The following RBM27 variants were observed in gnomAD, a reference collection of about 807,000 sequenced individuals.
The protein encoded by RBM27 is RNA-binding protein 27.
A neutral mutation model predicts 135.3 loss-of-function variants in RBM27; 22 were observed. The observed-to-expected ratio is 0.16, with a 90% confidence interval of 0.12 to 0.23. The LOEUF (loss-of-function observed/expected upper bound fraction) is 0.23, where lower values mean the gene tolerates loss of function less well. Ranked by LOEUF, RBM27 falls within the 10% of genes least tolerant of loss-of-function variation. The pLI is 1.00. For synonymous variants in RBM27, 481 were observed against 442.4 expected (o/e 1.09, Z -1.10); for missense variants, 1,009 against 1,281.0 (o/e 0.79, Z 3.24).
Position 146,230,884 on chromosome 5 carries a change from C to T in RBM27, c.817C>T (p.Leu273=). The part of the protein sequence containing the change: ...HSSSNSFGRN[L]PPKRRCRDYD... ...CTCTTCCAATTCTTTTGGTCGAAACCTACCACCAAAGAGGCGATGCAGAGA... is the reference window on the plus strand; with the variant it reads ...CTCTTCCAATTCTTTTGGTCGAAACTTACCACCAAAGAGGCGATGCAGAGA... Residue 273 remains leucine (L), a synonymous_variant, in exon 6 of 21, where the codon CTA becomes TTA. Transcript: ENST00000265271. 2 of 1,614,186 alleles carry T rather than the reference C, an allele frequency of 1.2e-6. No individual in the cohort carries two copies. Among genetic ancestry groups the T allele is most frequent in the Non-Finnish European group, 1.7e-6 (2 of 1,180,040 alleles).
In RBM27 at chr5:146,209,266, C is replaced by T. The variant is rs1246790355; in HGVS notation, c.59+5442C>T. Among the ~76,000 whole-genome samples, 5 of 152,082 alleles carry T rather than the reference C, an allele frequency of 3.3e-5. No homozygotes were observed. In the East Asian group the frequency reaches 9.6e-4, roughly 29 times the overall value. On this transcript the variant is annotated intron_variant, in intron 1 of 20. Coordinates refer to ENST00000265271, the MANE Select transcript of RBM27 (RefSeq NM_018989.2). ...GTATTTTGCTTATTAATGTTAAACACCACTGCCACTTAAAAAATAATAATC... is the reference window on the plus strand; with the variant it reads ...GTATTTTGCTTATTAATGTTAAACATCACTGCCACTTAAAAAATAATAATC...
At chr5:146,274,323 C>G (rs6883067) in intron 19 of RBM27, among the ~76,000 whole-genome samples, 34 of 151,580 alleles carry the variant, frequency 2.2e-4, no homozygotes, top group African/African-American at 8.0e-4. Flanking sequence ...GTGGCATGAT[C>G]TTAGCTCACT....
chr5:146,267,588 C>G, intron 14 of RBM27, 61 bp from the exon 15 acceptor site: 2 of 1,103,934 alleles, frequency 1.8e-6, no homozygotes, highest in Non-Finnish European at 2.6e-6. Context: ...AAAAAGTATT[C>G]TAAGCATTTC....
chr5:146,246,287 A>G (rs1392778542), intron 8 of RBM27, among the ~76,000 whole-genome samples: 1 of 152,180 alleles, frequency 6.6e-6, no homozygotes, highest in African/African-American at 2.4e-5. Flanking sequence ...AATTATACAG[A>G]GTTGCTAAAA....
intron 12 of RBM27, 146 bp downstream of exon 12, chr5:146,261,044 C>T (rs1182389651): frequency 7.9e-6 from 6 of 758,742 alleles, no homozygotes; most frequent in Non-Finnish European, 1.3e-5. Context: ...TCTATATACC[C>T]ACTTTTATGA....
intron 8 of RBM27, among the ~76,000 whole-genome samples, chr5:146,243,831 A>C (rs556873529): frequency 6.6e-6 from 1 of 152,312 alleles, no homozygotes; most frequent in South Asian, 2.1e-4. Flanking sequence ...AGATGATGTC[A>C]ATAAGGACCC....
At position 146,215,627 on chromosome 5, in the gene RBM27, C is replaced by G. The variant is rs541596986; in HGVS notation, c.60-3358C>G. 3.9e-5 allele frequency among the ~76,000 whole-genome samples: 6 copies of G among 152,246 alleles called. No homozygotes were observed. The East Asian group carries it at 1.2e-3, about 29-fold the overall frequency. Reference sequence around the variant, plus strand: ...TGTAATTTTTTTCCCCTTCTCTCCTCCATATGAATGTAGACTAGAACTACA... The same window carrying G: ...TGTAATTTTTTTCCCCTTCTCTCCTGCATATGAATGTAGACTAGAACTACA... On this transcript the variant is annotated intron_variant, in intron 1 of 20. Transcript: ENST00000265271.
In RBM27 at chr5:146,267,665, G is replaced by C. The variant is rs201819417; in HGVS notation, c.2348G>C (p.Gly783Ala). The C allele has an allele frequency of 6.4e-7, 1 of 1,574,360 alleles. No homozygotes were observed. The highest frequency in any genetic ancestry group is 1.1e-5 in the South Asian group (1 of 87,230). ...ATTTTTTAGATATTTTCAACTCCAG[G>C]CCATCCAAAAATGATTTACAGCTCC... ...GEDCQIFSTP[G>A]HPKMIYSSSN... Residue 783 changes from glycine (G) to alanine (A), a missense_variant, in exon 15 of 21, where the codon GGC (glycine) becomes GCC (alanine). By Grantham distance (60) the Gly-to-Ala change is moderately conservative (BLOSUM62 0). Transcript: ENST00000265271.
At chr5:146,268,487 C>CAAAG (rs1758718411) in intron 15 of RBM27, among the ~76,000 whole-genome samples, 1 of 152,168 alleles carries the variant, frequency 6.6e-6, no homozygotes, top group Non-Finnish European at 1.5e-5. Context: ...GGTGATCCAC[C>CAAAG]TGCCTCGGCT....
intron 19 of RBM27, among the ~76,000 whole-genome samples, chr5:146,279,957 T>C (rs575507971): frequency 2.0e-5 from 3 of 152,212 alleles, no homozygotes; most frequent in African/African-American, 7.2e-5. Context: ...CTTCTCACTT[T>C]AAAAACATTT....
intron 10 of RBM27, among the ~76,000 whole-genome samples, chr5:146,256,721 T>C (rs1429467410): frequency 3.3e-5 from 5 of 152,108 alleles, no homozygotes; most frequent in African/African-American, 1.2e-4. Flanking sequence ...CACTGAGGCT[T>C]AGAGAGGTTT....
intron 8 of RBM27, among the ~76,000 whole-genome samples, chr5:146,238,202 T>G (rs1757252180): frequency 6.6e-6 from 1 of 152,174 alleles, no homozygotes. Context: ...CATTCACATT[T>G]GATTGTAATA....
At chr5:146,226,165 G>A (rs1028202922) in intron 3 of RBM27, among the ~76,000 whole-genome samples, 2 of 151,932 alleles carry the variant, frequency 1.3e-5, no homozygotes, top group Non-Finnish European at 2.9e-5. Context: ...ACTGCGCCAG[G>A]GCTGGAAGAA....
intron 8 of RBM27, among the ~76,000 whole-genome samples, chr5:146,248,310 A>G (rs1757723837): frequency 6.6e-6 from 1 of 150,844 alleles, no homozygotes; most frequent in Admixed American, 6.6e-5. Context: ...AAGGTATACT[A>G]AGGTGTACCA....
intron 3 of RBM27, among the ~76,000 whole-genome samples, chr5:146,227,621 G>A (rs544223882): frequency 4.0e-4 from 61 of 152,078 alleles, no homozygotes; most frequent in Non-Finnish European, 7.2e-4. Flanking sequence ...TTCGGTTTGA[G>A]ATAAACTTGT....
chr5:146,261,480 G>C (rs777469925), intron 12 of RBM27, 30 bp from the exon 13 acceptor site: 1 of 1,568,840 alleles, frequency 6.4e-7, no homozygotes, highest in Non-Finnish European at 8.7e-7. Context: ...TTCTGTTTTT[G>C]GGAATTTATA....
At chr5:146,283,521 G>A (rs1759453299) in intron 19 of RBM27, among the ~76,000 whole-genome samples, 1 of 151,636 alleles carries the variant, frequency 6.6e-6, no homozygotes, top group Non-Finnish European at 1.5e-5. Flanking sequence ...CTGGGAATCA[G>A]AGCAAGACCC....
At chr5:146,243,922 C>T (rs529820372) in intron 8 of RBM27, among the ~76,000 whole-genome samples, 2 of 151,944 alleles carry the variant, frequency 1.3e-5, no homozygotes, top group African/African-American at 4.8e-5. Flanking sequence ...TAGGAATATA[C>T]AGATGAATAA....
In RBM27 at chr5:146,207,963, T is replaced by TG. The variant is rs1191224658; in HGVS notation, c.59+4139_59+4140insG. 2.0e-3 allele frequency among the ~76,000 whole-genome samples: 289 copies of TG among 144,082 alleles called. 1 individual carries two copies. The highest frequency in any genetic ancestry group is 3.8e-3 in the Non-Finnish European group (249 of 65,966). The allele number at this position is 144,082 out of a possible 152,430, so 94.5% of individuals were successfully genotyped here. On this transcript the variant is annotated intron_variant, in intron 1 of 20. Coordinates refer to ENST00000265271, the MANE Select transcript of RBM27 (RefSeq NM_018989.2). ...CCTGGCCTAACAGGTTTTTTTTTTT[T>TG]TTTTTTTTTTTAAGACGGAGTCTTG... is the stretch of plus-strand genomic sequence containing the variant.
Sources: allele counts gnomAD v4.1 joint callset (sites outside exome capture counted in the v4.1 genomes callset), GRCh38; gene constraint gnomAD v4.1.1; transcripts MANE v1.5; gene names NCBI Gene and HGNC (gene_info 2026-07-23, HGNC 2026-07-21).